The following BRCA2 variants were observed in gnomAD, a reference collection of about 807,000 sequenced individuals.
BRCA2 encodes the protein breast cancer type 2 susceptibility protein.
In BRCA2, 203 loss-of-function variants were observed where a neutral mutation model predicts 276.7. The observed-to-expected ratio is 0.73, with a 90% confidence interval of 0.65 to 0.82. BRCA2 has a LOEUF of 0.82. Among genes scored for constraint, BRCA2 ranks in the 40% least tolerant of loss-of-function variants. The pLI is 0.00. For missense variants in BRCA2, 3,920 were observed against 3,915.0 expected (o/e 1.00, Z -0.03); for synonymous variants, 1,289 against 1,338.4 (o/e 0.96, Z 0.81).
At position 32,331,021 on chromosome 13, in the gene BRCA2, G is replaced by A. The variant is rs397507393; in HGVS notation, c.784G>A (p.Ala262Thr). ...TGAAAACACAAATCAAAGAGAAGCT[G>A]CAAGTCATGGTAAGTCCTCTGTTTA... ...DSENTNQREA[A>T]SHGFGKTSGN... The change falls in exon 9 of 27, where the codon GCA becomes ACA. Residue 262 changes from alanine to threonine, a missense_variant. Physicochemically the swap from Ala to Thr is moderately conservative, Grantham distance 58. This residue lies in a region of BRCA2 where 3,263 missense variants were observed against 3,156.9 expected (regional missense o/e 1.03). Transcript: ENST00000380152. 7 of 1,607,234 alleles carry A rather than the reference G, an allele frequency of 4.4e-6. No individual in the cohort carries two copies. In the South Asian group the frequency reaches 7.7e-5, roughly 18 times the overall value.
In BRCA2 at chr13:32,341,105, A is replaced by C. The variant is rs864622449; in HGVS notation, c.6750A>C (p.Thr2250=). Residue 2250 remains threonine, a synonymous_variant, in exon 11 of 27, where the codon ACA becomes ACC. Coordinates refer to ENST00000380152, the MANE Select transcript of BRCA2 (RefSeq NM_000059.4). ...ATTCTAAACTGCCAAGTCATGCCAC[A>C]CATTCTCTTTTTACATGTCCCGAAA... ...LTDSKLPSHA[T]HSLFTCPENE... is the part of the protein sequence containing the mutation. 4 of 1,613,860 alleles carry C rather than the reference A, an allele frequency of 2.5e-6. No individual in the cohort carries two copies. In the African/African-American group the frequency reaches 5.3e-5, roughly 22 times the overall value.
chr13:32,373,265 T>C (rs1372374202), intron 20 of BRCA2, among the ~76,000 whole-genome samples: 3 of 150,664 alleles, frequency 2.0e-5, no homozygotes, highest in East Asian at 2.0e-4. Context: ...CCCAGCACTT[T>C]GGGAGGCTGA....
In BRCA2 at chr13:32,330,947, A is replaced by T. The variant is rs730881506; in HGVS notation, c.710A>T (p.Asp237Val). 5.6e-6 allele frequency: 9 copies of T among 1,612,830 alleles called. No individual in the cohort carries two copies. Among genetic ancestry groups the T allele is most frequent in the Non-Finnish European group, 7.6e-6 (9 of 1,179,044 alleles). The change falls in exon 9 of 27, where the codon GAT (aspartate) becomes GTT (valine). Residue 237 changes from aspartate to valine, a missense_variant. This residue lies in a region of BRCA2 where 3,263 missense variants were observed against 3,156.9 expected (regional missense o/e 1.03). Transcript: ENST00000380152. ...GTGAAAAGCTATTTTTCCAATCATG[A>T]TGAAAGTCTGAAGAAAAATGATAGA... Reference protein sequence around the residue: ...ANVKSYFSNHDESLKKNDRFI... With the variant: ...ANVKSYFSNHVESLKKNDRFI...
intron 24 of BRCA2, among the ~76,000 whole-genome samples, chr13:32,380,785 C>G (rs2072919945): frequency 6.6e-6 from 1 of 151,954 alleles, no homozygotes; most frequent in Admixed American, 6.6e-5. Context: ...CGTGATCTAC[C>G]AGCCTCGGCC....
At position 32,380,155 on chromosome 13, in the gene BRCA2, A is replaced by G. The variant is rs431825375; in HGVS notation, c.9256+10A>G. The G allele has an allele frequency of 6.3e-7, 1 of 1,596,550 alleles. No homozygotes were observed. Among genetic ancestry groups the G allele is most frequent in the Non-Finnish European group, 8.5e-7 (1 of 1,173,398 alleles). ...GTTGTGAAAAAAACAGGTAATGCAC[A>G]ATATAGTTAATTTTTTTTATTGATT... On this transcript the variant is annotated intron_variant, in intron 24 of 26. Coordinates refer to ENST00000380152, the MANE Select transcript of BRCA2 (RefSeq NM_000059.4).
intron 3 of BRCA2, among the ~76,000 whole-genome samples, chr13:32,320,666 T>C (rs1193498431): frequency 6.6e-6 from 1 of 152,176 alleles, no homozygotes; most frequent in East Asian, 1.9e-4. Context: ...TGAAAGAAAT[T>C]CATGGCTATA....
chr13:32,398,367 C>T lies in BRCA2; in HGVS notation c.9854C>T (p.Pro3285Leu). 1 of 1,614,074 alleles carries T rather than the reference C, an allele frequency of 6.2e-7. No homozygotes were observed. The highest frequency in any genetic ancestry group is 1.1e-5 in the South Asian group (1 of 91,066). The part of the protein sequence containing the change: ...SRLPLPPPVS[P>L]ICTFVSPAAQ... ...CTGCCTTTACCTCCACCTGTTAGTC[C>T]CATTTGTACATTTGTTTCTCCGGCT... Residue 3285 changes from proline (P) to leucine (L), a missense_variant, in exon 27 of 27, where the codon CCC becomes CTC. Transcript: ENST00000380152.
chr13:32,364,857 A>G (rs2072769866), intron 18 of BRCA2, among the ~76,000 whole-genome samples: 1 of 151,976 alleles, frequency 6.6e-6, no homozygotes, highest in South Asian at 2.1e-4. Context: ...TCATTCTGTA[A>G]ATTATTCTTA....
chr13:32,347,809 G>C (rs185705052), intron 13 of BRCA2, among the ~76,000 whole-genome samples: 28 of 152,262 alleles, frequency 1.8e-4, no homozygotes, highest in African/African-American at 6.7e-4. Flanking sequence ...ATACTCAGAT[G>C]AAACAGTATA....
intron 20 of BRCA2, among the ~76,000 whole-genome samples, chr13:32,372,369 T>C (rs555162949): frequency 2.0e-5 from 3 of 152,204 alleles, no homozygotes; most frequent in Non-Finnish European, 4.4e-5. Flanking sequence ...TGAGACTGGG[T>C]AATTTCTAAA....
At chr13:32,369,882 A>G (rs2072815486) in intron 18 of BRCA2, among the ~76,000 whole-genome samples, 1 of 152,180 alleles carries the variant, frequency 6.6e-6, no homozygotes. Context: ...CCAAAGATTA[A>G]TTGTTAATAT....
chr13:32,344,645 C>T lies in BRCA2; in HGVS notation c.6929C>T (p.Thr2310Ile), dbSNP rs276174886. ...QEKSLKASKS[T>I]PDGTIKDRRL... ...AAATCCTTAAAGGCTTCAAAAAGCA[C>T]TCCAGATGGTAAAATTAGCTTTTTA... The change falls in exon 12 of 27, where the codon ACT (threonine) becomes ATT (isoleucine). Residue 2310 changes from threonine to isoleucine, a missense_variant. This residue lies in a region of BRCA2 where 3,263 missense variants were observed against 3,156.9 expected (regional missense o/e 1.03). Coordinates refer to ENST00000380152, the MANE Select transcript of BRCA2 (RefSeq NM_000059.4). 3 of 1,563,730 alleles carry T rather than the reference C, an allele frequency of 1.9e-6. No homozygotes were observed. The highest frequency in any genetic ancestry group is 2.6e-6 in the Non-Finnish European group (3 of 1,134,764).
rs139275875 is a variant in BRCA2 at position 32,393,464 on chromosome 13, T to G, written c.9257-1225T>G. Among the ~76,000 whole-genome samples the G allele has an allele frequency of 2.0e-5, 3 of 152,196 alleles. No individual in the cohort carries two copies. The East Asian group carries it at 5.8e-4, about 29-fold the overall frequency. ...TTTGGTACCTTCATTATTTTATTGT[T>G]TAACTTTTTTTTTTTAGCTTTGACC... On this transcript the variant is annotated intron_variant, in intron 24 of 26. Transcript: ENST00000380152.
intron 17 of BRCA2, 123 bp downstream of exon 17, chr13:32,362,816 C>A: frequency 9.8e-7 from 1 of 1,017,924 alleles, no homozygotes; most frequent in Non-Finnish European, 1.5e-6. Flanking sequence ...TGCCATCCCA[C>A]ACTGCTGTTC....
At chr13:32,388,266 G>A (rs192434116) in intron 24 of BRCA2, among the ~76,000 whole-genome samples, 8 of 152,046 alleles carry the variant, frequency 5.3e-5, no homozygotes, top group Middle Eastern at 3.4e-3. Context: ...CGACAGGCAC[G>A]TGCCACCACA....
chr13:32,318,126 A>G (rs2072277002), intron 2 of BRCA2, among the ~76,000 whole-genome samples: 1 of 152,232 alleles, frequency 6.6e-6, no homozygotes, highest in Non-Finnish European at 1.5e-5. Flanking sequence ...TATAATGGCT[A>G]CTAGTATTAG....
In BRCA2 at chr13:32,333,394, C is replaced by CT. The variant is rs1566224641; in HGVS notation, c.1909+8dup. 6.2e-7 allele frequency: 1 copy of CT among 1,606,934 alleles called. No individual in the cohort carries two copies. Among genetic ancestry groups the CT allele is most frequent in the Non-Finnish European group, 8.5e-7 (1 of 1,178,224 alleles). Reference sequence around the variant, plus strand: ...TTTGCAAATGCTGATTCAGGTACCTCTGTCTTTTTTTTTTTGTAAATAGTA... The same window carrying CT: ...TTTGCAAATGCTGATTCAGGTACCTCTTGTCTTTTTTTTTTTGTAAATAGTA... On this transcript the variant is annotated splice_region_variant and intron_variant, in intron 10 of 26. Transcript: ENST00000380152.
chr13:32,347,580 T>C (rs2072620359), intron 13 of BRCA2, among the ~76,000 whole-genome samples: 1 of 152,148 alleles, frequency 6.6e-6, no homozygotes, highest in Non-Finnish European at 1.5e-5. Context: ...GATTCTGAAT[T>C]GAAGGTGGGC....
In BRCA2 at chr13:32,332,797, T is replaced by G. The variant is rs2072409540; in HGVS notation, c.1319T>G (p.Leu440Arg). 3 of 1,608,428 alleles carry G rather than the reference T, an allele frequency of 1.9e-6. No individual in the cohort carries two copies. The highest frequency in any genetic ancestry group is 2.5e-6 in the Non-Finnish European group (3 of 1,178,670). ...GAGAACAAAAGAAAGAAAGATTTTCTTACTTCAGAGAATTCTTTGCCACGT... is the reference window on the plus strand; with the variant it reads ...GAGAACAAAAGAAAGAAAGATTTTCGTACTTCAGAGAATTCTTTGCCACGT... ...DTENKRKKDF[L>R]TSENSLPRIS... The change falls in exon 10 of 27, where the codon CTT (leucine) becomes CGT (arginine). Residue 440 changes from leucine (L) to arginine (R), a missense_variant. Leu to Arg is a moderately radical substitution (Grantham distance 102). Around this residue, in one of 2 missense-constraint regions of BRCA2, gnomAD observed 3,263 missense variants for 3,156.9 expected, o/e 1.03. Transcript: ENST00000380152.
Sources: allele counts gnomAD v4.1 joint callset (sites outside exome capture counted in the v4.1 genomes callset), GRCh38; gene constraint gnomAD v4.1.1; regional missense constraint gnomAD v4.1.1; transcripts MANE v1.5; gene names NCBI Gene and HGNC (gene_info 2026-07-23, HGNC 2026-07-21).